The following CABLES1 variants were observed in gnomAD, a reference collection of about 807,000 sequenced individuals.
CABLES1 encodes CDK5 and ABL1 enzyme substrate 1.
CABLES1 carries 36 observed loss-of-function variants against 57.8 expected under a neutral mutation model. The observed-to-expected ratio is 0.62, with a 90% CI of 0.48 to 0.82. The LOEUF is 0.82. Among genes scored for constraint, CABLES1 ranks in the 40% least tolerant of loss-of-function variants. The pLI, the probability that CABLES1 is intolerant of heterozygous loss-of-function variation, is 0.00. For synonymous variants in CABLES1, 374 were observed against 363.0 expected, an observed-to-expected ratio of 1.03 and a Z score of -0.35; for missense variants, 767 against 836.6, an observed-to-expected ratio of 0.92 and a Z score of 1.03.
intron 1 of CABLES1, 69 bp from the exon 2 acceptor site, chr18:23,188,769 A>C: frequency 1.8e-6 from 2 of 1,122,440 alleles, no homozygotes; most frequent in East Asian, 2.3e-5. Context: ...GTAGTTTTAG[A>C]TTTGCACAAA....
chr18:23,195,614 A>G (rs529442743), intron 3 of CABLES1, among the ~76,000 whole-genome samples: 1 of 152,354 alleles, frequency 6.6e-6, no homozygotes, highest in East Asian at 1.9e-4. Context: ...ACATGATTTT[A>G]TAACAGTTGC....
chr18:23,165,257 AT>A (rs1251224727), intron 1 of CABLES1, among the ~76,000 whole-genome samples: 1 of 151,954 alleles, frequency 6.6e-6, no homozygotes, highest in African/African-American at 2.4e-5. Context: ...TAATTTTTTA[AT>A]TTTAATTTTT....
intron 1 of CABLES1, among the ~76,000 whole-genome samples, chr18:23,168,858 T>C (rs1218095494): frequency 6.6e-6 from 1 of 152,128 alleles, no homozygotes; most frequent in African/African-American, 2.4e-5. Flanking sequence ...CCTTGCAGAA[T>C]TCTTCTAAGT....
chr18:23,238,352 C>T (rs2047656823), intron 7 of CABLES1, among the ~76,000 whole-genome samples: 1 of 152,218 alleles, frequency 6.6e-6, no homozygotes, highest in African/African-American at 2.4e-5. Context: ...TGTTCTTTGG[C>T]ACATAGTTCA....
At chr18:23,176,820 T>G (rs1295213141) in intron 1 of CABLES1, among the ~76,000 whole-genome samples, 1 of 152,150 alleles carries the variant, frequency 6.6e-6, no homozygotes, top group African/African-American at 2.4e-5. Flanking sequence ...CCACTCCTGC[T>G]GAAGGCCCTT....
chr18:23,194,664 C>A, intron 3 of CABLES1, 124 bp downstream of exon 3: 1 of 643,876 alleles, frequency 1.6e-6, no homozygotes, highest in Non-Finnish European at 2.8e-6. Context: ...TGAGCAGGAT[C>A]TCATGGAACC....
chr18:23,191,248 A>T lies in CABLES1; in HGVS notation c.917+2339A>T, dbSNP rs76248855. Among the ~76,000 whole-genome samples, 217 of 152,076 alleles carry T rather than the reference A, an allele frequency of 1.4e-3. 6 individuals are homozygous for T. The East Asian group carries it at 0.037, about 26-fold the overall frequency. ...TGGAGTTTCTTAAAAAAGAAAACTT[A>T]AAAAAAAGAGAACTTAAAAAGCATA... On this transcript the variant is annotated intron_variant, in intron 2 of 9. Coordinates refer to ENST00000256925, the MANE Select transcript of CABLES1 (RefSeq NM_001100619.3).
chr18:23,184,279 G>T (rs779483726), intron 1 of CABLES1, among the ~76,000 whole-genome samples: 1 of 151,874 alleles, frequency 6.6e-6, no homozygotes, highest in African/African-American at 2.4e-5. Flanking sequence ...GTGCCCATGC[G>T]TGCTAATGTG....
intron 3 of CABLES1, among the ~76,000 whole-genome samples, chr18:23,199,108 C>T (rs963236159): frequency 5.9e-5 from 9 of 152,256 alleles, no homozygotes; most frequent in African/African-American, 1.9e-4. Context: ...AAATCATTAG[C>T]TTAAGGCCAA....
At chr18:23,241,320 CAA>C (rs2047731227) in intron 7 of CABLES1, among the ~76,000 whole-genome samples, 1 of 151,846 alleles carries the variant, frequency 6.6e-6, no homozygotes, top group Non-Finnish European at 1.5e-5. Flanking sequence ...CACTTGAGGT[CAA>C]GAGTTTAAGA....
chr18:23,249,293 A>T (rs2047980451), intron 7 of CABLES1, among the ~76,000 whole-genome samples: 1 of 152,128 alleles, frequency 6.6e-6, no homozygotes, highest in Non-Finnish European at 1.5e-5. Flanking sequence ...TCCCAGGAGG[A>T]GGTTGGATGT....
chr18:23,198,994 T>TAA (rs2047304585), intron 3 of CABLES1, among the ~76,000 whole-genome samples: 1 of 152,230 alleles, frequency 6.6e-6, no homozygotes, highest in African/African-American at 2.4e-5. Context: ...GCAAAGTTCA[T>TAA]TGTCTCCATT....
intron 3 of CABLES1, among the ~76,000 whole-genome samples, chr18:23,200,119 A>G (rs1013799921): frequency 2.0e-5 from 3 of 152,240 alleles, no homozygotes; most frequent in Admixed American, 2.0e-4. Flanking sequence ...AATTGTAGTC[A>G]TCAGGGCTAG....
chr18:23,139,491 T>C (rs886914420), intron 1 of CABLES1, among the ~76,000 whole-genome samples: 38 of 152,164 alleles, frequency 2.5e-4, no homozygotes, highest in Non-Finnish European at 3.4e-4. Flanking sequence ...GGAACACTTG[T>C]AAAACCAATC....
chr18:23,246,425 T>C (rs373125156), intron 7 of CABLES1, among the ~76,000 whole-genome samples: 10 of 151,992 alleles, frequency 6.6e-5, no homozygotes, highest in East Asian at 3.9e-4. Context: ...GGAGTCTTGC[T>C]CTGTCGCCCA....
intron 3 of CABLES1, chr18:23,204,485 G>C (rs1409978255): frequency 1.3e-5 from 2 of 152,224 alleles, no homozygotes; most frequent in African/African-American, 4.8e-5. Context: ...CAGTCACAGA[G>C]GAAAGGTAAA....
At chr18:23,224,367 C>G (rs17186840) in intron 4 of CABLES1, among the ~76,000 whole-genome samples, 2 of 151,930 alleles carry the variant, frequency 1.3e-5, no homozygotes, top group African/African-American at 4.8e-5. Context: ...TGCTTGGGAA[C>G]GAGCTGGCAG....
chr18:23,201,690 C>T (rs1308055543), intron 3 of CABLES1, among the ~76,000 whole-genome samples: 3 of 152,088 alleles, frequency 2.0e-5, no homozygotes, highest in Non-Finnish European at 4.4e-5. Flanking sequence ...TCGGTCCACC[C>T]CACACATGTT....
chr18:23,154,781 G>T (rs573947541), intron 1 of CABLES1, among the ~76,000 whole-genome samples: 5 of 152,300 alleles, frequency 3.3e-5, no homozygotes, highest in African/African-American at 1.2e-4. Flanking sequence ...CTTGCCTTTT[G>T]ACACGTGTGA....
Sources: gnomAD v4.1 joint callset for allele counts (sites outside exome capture counted in the v4.1 genomes callset) on GRCh38, gnomAD v4.1.1 for gene constraint, MANE v1.5 for transcripts, NCBI Gene and HGNC (gene_info 2026-07-23, HGNC 2026-07-21) for gene names.